WDR70: variants seen among roughly 807,000 people sequenced by gnomAD.
The protein encoded by WDR70 is WD repeat-containing protein 70.
A neutral mutation model predicts 88.6 loss-of-function variants in WDR70; 53 were observed. The ratio of observed to expected loss-of-function variants is 0.60; its 90% CI spans 0.48 to 0.75. The LOEUF is 0.75. Ranked by LOEUF, WDR70 falls within the 30% of genes least tolerant of loss-of-function variation. WDR70 has a pLI of 0.00. For synonymous variants in WDR70, 280 were observed against 270.0 expected, an observed-to-expected ratio of 1.04 and a Z score of -0.36; for missense variants, 610 against 823.2, an observed-to-expected ratio of 0.74 and a Z score of 3.17.
At chr5:37,505,866 T>G in intron 8 of WDR70, 3 of 1,374,542 alleles carry the variant, frequency 2.2e-6, no homozygotes, top group Non-Finnish European at 3.1e-6. Flanking sequence ...CTTTGCATTT[T>G]TTAAGGTAGC....
In WDR70 at chr5:37,423,127, C is replaced by G. The variant is rs553660648; in HGVS notation, c.493-14795C>G. On this transcript the variant is annotated intron_variant, in intron 5 of 17. Coordinates refer to ENST00000265107, the MANE Select transcript of WDR70 (RefSeq NM_018034.4). ...CAGTGACAAGGTAGTGTTCACAGTT[C>G]CAGATGTGAATAAATTCAAAGTAAA... Among the ~76,000 whole-genome samples the G allele has an allele frequency of 2.6e-5, 4 of 151,910 alleles. No homozygotes were observed. In the East Asian group the frequency reaches 7.7e-4, roughly 29 times the overall value.
chr5:37,735,938 C>A (rs1748293207), intron 17 of WDR70, among the ~76,000 whole-genome samples: 2 of 152,104 alleles, frequency 1.3e-5, no homozygotes, highest in South Asian at 4.1e-4. Context: ...AACAAAGAGT[C>A]TTTAAAGAGT....
chr5:37,531,264 G>T lies in WDR70; in HGVS notation c.917+14674G>T, dbSNP rs188480725. Among the ~76,000 whole-genome samples, 239 of 152,176 alleles carry T rather than the reference G, an allele frequency of 1.6e-3. 2 individuals carry two copies. Among genetic ancestry groups the T allele is most frequent in the African/African-American group, 5.6e-3 (231 of 41,532 alleles). On this transcript the variant is annotated intron_variant, in intron 9 of 17. Coordinates refer to ENST00000265107, the MANE Select transcript of WDR70 (RefSeq NM_018034.4). Reference sequence around the variant, plus strand: ...TGTACTGATGAATAGAATATATTCTGCAGTTGTTGGGTAGAATGTTCTGTA... The same window carrying T: ...TGTACTGATGAATAGAATATATTCTTCAGTTGTTGGGTAGAATGTTCTGTA...
rs533136550 is a variant in WDR70, at chr5:37,580,852, T to C, written c.918-24212T>C. 8.5e-5 allele frequency among the ~76,000 whole-genome samples: 13 copies of C among 152,374 alleles called. 1 individual carries two copies. In the South Asian group the frequency reaches 2.7e-3, roughly 32 times the overall value. ...CTTTTGATTTGTTAATTTGATTGCTTGTTTTCACACACCTTACCTCATTCC... is the reference window on the plus strand; with the variant it reads ...CTTTTGATTTGTTAATTTGATTGCTCGTTTTCACACACCTTACCTCATTCC... On this transcript the variant is annotated intron_variant, in intron 9 of 17. Transcript: ENST00000265107.
At chr5:37,603,631 T>C (rs1743950033) in intron 9 of WDR70, among the ~76,000 whole-genome samples, 1 of 152,218 alleles carries the variant, frequency 6.6e-6, no homozygotes, top group South Asian at 2.1e-4. Flanking sequence ...CTAAAAAGCT[T>C]CTAATCTTTG....
chr5:37,613,027 T>C (rs182424289), intron 10 of WDR70, among the ~76,000 whole-genome samples: 16 of 152,344 alleles, frequency 1.1e-4, no homozygotes, highest in African/African-American at 2.9e-4. Context: ...CATAGAGTTA[T>C]ATAAGTTTTA....
chr5:37,574,022 A>T (rs1464449377), intron 9 of WDR70, among the ~76,000 whole-genome samples: 2 of 152,210 alleles, frequency 1.3e-5, no homozygotes, highest in African/African-American at 2.4e-5. Context: ...CGTGAAAGAT[A>T]CAAGAGGAGC....
intron 17 of WDR70, among the ~76,000 whole-genome samples, chr5:37,736,649 GGTT>G (rs1459627663): frequency 1.9e-4 from 29 of 150,836 alleles, no homozygotes; most frequent in African/African-American, 7.1e-4. Context: ...GCGGTGGGGG[GGTT>G]GTTTAAAAAT....
At chr5:37,737,382 C>T (rs1561098581) in intron 17 of WDR70, among the ~76,000 whole-genome samples, 1 of 152,132 alleles carries the variant, frequency 6.6e-6, no homozygotes, top group Non-Finnish European at 1.5e-5. Flanking sequence ...CAGTGTACTG[C>T]TTTTCATCAT....
At chr5:37,695,313 A>G (rs984504268) in intron 10 of WDR70, among the ~76,000 whole-genome samples, 1 of 152,146 alleles carries the variant, frequency 6.6e-6, no homozygotes, top group Non-Finnish European at 1.5e-5. Context: ...CACCTCCAAC[A>G]TTGTGAATTA....
intron 9 of WDR70, among the ~76,000 whole-genome samples, chr5:37,555,412 G>A (rs897110049): frequency 6.6e-6 from 1 of 152,162 alleles, no homozygotes; most frequent in African/African-American, 2.4e-5. Context: ...GAGGTAATAA[G>A]TCTATGATTT....
At chr5:37,679,519 A>G (rs1243033838) in intron 10 of WDR70, among the ~76,000 whole-genome samples, 4 of 152,232 alleles carry the variant, frequency 2.6e-5, no homozygotes, top group African/African-American at 9.6e-5. Flanking sequence ...TTGCCTGGGT[A>G]TCAGCAGTGG....
At chr5:37,585,148 G>A (rs1743330789) in intron 9 of WDR70, among the ~76,000 whole-genome samples, 1 of 151,588 alleles carries the variant, frequency 6.6e-6, no homozygotes, top group Admixed American at 6.6e-5. Flanking sequence ...ACACCACCAC[G>A]CCTGGCTAAT....
In WDR70 at chr5:37,725,039, T is replaced by C. The variant is rs1747932531; in HGVS notation, c.1703T>C (p.Val568Ala). ...AAGTCGCATAAACCTGAACCTCCTG[T>C]AGCAGGCCCAGGTGACTGTGATCCA... ...PLKSHKPEPPVAGPGRGGRVG... is the reference protein window; with the variant it reads ...PLKSHKPEPPAAGPGRGGRVG... The change falls in exon 16 of 18, where the codon GTA becomes GCA. Residue 568 changes from valine to alanine, a missense_variant. Val to Ala is a moderately conservative substitution (Grantham distance 64). Coordinates refer to ENST00000265107, the MANE Select transcript of WDR70 (RefSeq NM_018034.4). 1 of 1,613,386 alleles carries C rather than the reference T, an allele frequency of 6.2e-7. No individual in the cohort carries two copies. The highest frequency in any genetic ancestry group is 8.5e-7 in the Non-Finnish European group (1 of 1,179,616).
At chr5:37,439,551 A>C (rs1324744191) in intron 6 of WDR70, among the ~76,000 whole-genome samples, 2 of 151,704 alleles carry the variant, frequency 1.3e-5, no homozygotes, top group Non-Finnish European at 2.9e-5. Context: ...GAGAAACATA[A>C]CTTAAAAAAT....
intron 8 of WDR70, among the ~76,000 whole-genome samples, chr5:37,487,726 A>G (rs973084245): frequency 8.0e-5 from 12 of 150,594 alleles, no homozygotes; most frequent in Admixed American, 4.6e-4. Flanking sequence ...CCCGGGTACA[A>G]GTGATTCCCC....
At chr5:37,503,160 G>A (rs1317412647) in intron 8 of WDR70, among the ~76,000 whole-genome samples, 1 of 151,940 alleles carries the variant, frequency 6.6e-6, no homozygotes, top group Non-Finnish European at 1.5e-5. Flanking sequence ...TCTTTTTTTG[G>A]TTACATTTTT....
intron 17 of WDR70, among the ~76,000 whole-genome samples, chr5:37,735,027 A>G (rs1015811166): frequency 6.6e-6 from 1 of 152,142 alleles, no homozygotes; most frequent in African/African-American, 2.4e-5. Flanking sequence ...TATCCATTTT[A>G]TAAAGATTTG....
intron 13 of WDR70, among the ~76,000 whole-genome samples, chr5:37,705,134 C>T (rs920041979): frequency 6.6e-6 from 1 of 152,068 alleles, no homozygotes; most frequent in Admixed American, 6.6e-5. Context: ...ACCTATAGGA[C>T]TTCTGTGTAG....
Sources: allele counts gnomAD v4.1 joint callset (sites outside exome capture counted in the v4.1 genomes callset), GRCh38; gene constraint gnomAD v4.1.1; transcripts MANE v1.5; gene names NCBI Gene and HGNC (gene_info 2026-07-23, HGNC 2026-07-21).